MNAT1: variants seen among roughly 807,000 people sequenced by gnomAD.
MNAT1 encodes MNAT1 component of CDK activating kinase, also known as CDK-activating kinase assembly factor MAT1.
MNAT1 carries 43 observed loss-of-function variants against 42.0 expected under a neutral mutation model. The observed-to-expected ratio is 1.02, with a 90% confidence interval of 0.80 to 1.32. MNAT1 has a LOEUF of 1.32. MNAT1 is among the 40% of genes most tolerant of loss of function. The pLI, the probability that MNAT1 is intolerant of heterozygous loss-of-function variation, is 0.00. For missense variants in MNAT1, 306 were observed against 350.4 expected, an observed-to-expected ratio of 0.87 and a Z score of 1.01; for synonymous variants, 118 against 120.0, an observed-to-expected ratio of 0.98 and a Z score of 0.11.
chr14:60,873,670 T>C (rs919141180), intron 6 of MNAT1, among the ~76,000 whole-genome samples: 1 of 147,206 alleles, frequency 6.8e-6, no homozygotes, highest in African/African-American at 2.5e-5. Flanking sequence ...GATGGCTCAC[T>C]ATGTTGCCCA....
chr14:60,952,483 T>A (rs2139606591), intron 7 of MNAT1, among the ~76,000 whole-genome samples: 1 of 152,242 alleles, frequency 6.6e-6, no homozygotes, highest in Non-Finnish European at 1.5e-5. Context: ...TGAAATACGG[T>A]AACAATAGTG....
At chr14:60,913,616 T>C (rs2035439142) in intron 7 of MNAT1, among the ~76,000 whole-genome samples, 1 of 152,156 alleles carries the variant, frequency 6.6e-6, no homozygotes, top group African/African-American at 2.4e-5. Flanking sequence ...TGCCTGGGTA[T>C]CAGCAGGGGA....
chr14:60,763,980 T>A (rs1380780881), intron 1 of MNAT1, among the ~76,000 whole-genome samples: 2 of 152,200 alleles, frequency 1.3e-5, no homozygotes, highest in Admixed American at 6.5e-5. Context: ...TCCATGACAA[T>A]TGCTTACTGT....
chr14:60,829,588 T>A (rs1041565785), intron 6 of MNAT1, among the ~76,000 whole-genome samples: 5 of 152,176 alleles, frequency 3.3e-5, no homozygotes, highest in African/African-American at 1.2e-4. Context: ...TCATGATCTG[T>A]CTAGACATGA....
intron 7 of MNAT1, among the ~76,000 whole-genome samples, chr14:60,953,700 C>T (rs9672031): frequency 0.64 from 97,860 of 151,978 alleles, 31,860 homozygotes; most frequent in Non-Finnish European, 0.69. Flanking sequence ...GAGGAACTTC[C>T]GTACTGTTTT....
chr14:60,869,887 T>C (rs2034291931), intron 6 of MNAT1, among the ~76,000 whole-genome samples: 1 of 152,204 alleles, frequency 6.6e-6, no homozygotes. Flanking sequence ...TAACATAGTA[T>C]GTGTTTAGAG....
intron 7 of MNAT1, among the ~76,000 whole-genome samples, chr14:60,945,873 A>T (rs1021055766): frequency 6.6e-6 from 1 of 151,488 alleles, no homozygotes; most frequent in Non-Finnish European, 1.5e-5. Flanking sequence ...TAAATCTCCC[A>T]CTCCACTTTC....
At chr14:60,767,124 T>C (rs1008353430) in intron 1 of MNAT1, among the ~76,000 whole-genome samples, 10 of 152,220 alleles carry the variant, frequency 6.6e-5, no homozygotes, top group Non-Finnish European at 8.8e-5. Flanking sequence ...ATGGTTTCCA[T>C]ATGCTTCTTG....
At chr14:60,787,811 A>G (rs1174311530) in intron 1 of MNAT1, among the ~76,000 whole-genome samples, 1 of 152,160 alleles carries the variant, frequency 6.6e-6, no homozygotes, top group East Asian at 1.9e-4. Context: ...GCAGCAATTC[A>G]GTCACATCTT....
intron 1 of MNAT1, among the ~76,000 whole-genome samples, chr14:60,774,395 G>A (rs946322279): frequency 2.0e-5 from 3 of 152,188 alleles, no homozygotes; most frequent in Non-Finnish European, 2.9e-5. Context: ...TGAAGCTGAA[G>A]AGTTAGGTAG....
intron 7 of MNAT1, among the ~76,000 whole-genome samples, chr14:60,949,275 G>C (rs1028562847): frequency 5.9e-5 from 9 of 152,074 alleles, no homozygotes; most frequent in Admixed American, 5.2e-4. Context: ...TGTTCTTGGC[G>C]TAGGAAAACT....
In MNAT1 at chr14:60,818,614, T is replaced by G. The variant is rs1026510901; in HGVS notation, c.562-108T>G. ...AAGTGTCCTCCATAATGTGAATATT[T>G]AGTTTGACATGAAATGCTTATGGAA... On this transcript the variant is annotated intron_variant, in intron 5 of 7. Coordinates refer to ENST00000261245, the MANE Select transcript of MNAT1 (RefSeq NM_002431.4). 7 of 927,254 alleles carry G rather than the reference T, an allele frequency of 7.5e-6. No individual in the cohort carries two copies. The African/African-American group carries it at 1.2e-4, about 15-fold the overall frequency. The allele number at this position is 927,254 out of a possible 1,614,324, so 57.4% of individuals were successfully genotyped here. A position where few individuals can be genotyped will look rare whatever the true frequency, so the allele number is the denominator to read the frequency against.
intron 1 of MNAT1, among the ~76,000 whole-genome samples, chr14:60,790,840 G>A (rs1209719853): frequency 3.9e-5 from 6 of 152,066 alleles, no homozygotes; most frequent in African/African-American, 9.7e-5. Context: ...ACATCATATC[G>A]CAAAAGCCCT....
chr14:60,947,494 C>A (rs1472198063), intron 7 of MNAT1, among the ~76,000 whole-genome samples: 2 of 152,004 alleles, frequency 1.3e-5, no homozygotes, highest in Non-Finnish European at 2.9e-5. Flanking sequence ...ACAAGCCTGG[C>A]CAACATGGTG....
At position 60,940,481 on chromosome 14, in the gene MNAT1, G is replaced by A. The variant is rs111406499; in HGVS notation, c.810-27748G>A. ...TGCCCAGGCTAGAGTGCAGTGGCAC[G>A]ATCTTGGCTCACTGCAAGCTCTGCC... is the stretch of plus-strand genomic sequence containing the variant. On this transcript the variant is annotated intron_variant, in intron 7 of 7. Transcript: ENST00000261245. Among the ~76,000 whole-genome samples, 491 of 152,300 alleles carry A rather than the reference G, an allele frequency of 3.2e-3. 1 individual carries two copies. Among genetic ancestry groups the A allele is most frequent in the African/African-American group, 0.011 (448 of 41,560 alleles).
At chr14:60,861,288 A>G (rs974010920) in intron 6 of MNAT1, among the ~76,000 whole-genome samples, 1 of 152,182 alleles carries the variant, frequency 6.6e-6, no homozygotes, top group Non-Finnish European at 1.5e-5. Context: ...GTTCAAACTC[A>G]TGAACATTTA....
intron 6 of MNAT1, among the ~76,000 whole-genome samples, chr14:60,850,600 A>G (rs2033800210): frequency 6.6e-6 from 1 of 152,308 alleles, no homozygotes; most frequent in Admixed American, 6.5e-5. Context: ...ACTTGGGCAA[A>G]TAACCTTATT....
chr14:60,892,074 C>G (rs892076365), intron 7 of MNAT1, among the ~76,000 whole-genome samples: 5 of 152,046 alleles, frequency 3.3e-5, no homozygotes, highest in African/African-American at 1.2e-4. Flanking sequence ...AAAATATGGC[C>G]TGTCCTGGAA....
chr14:60,949,671 A>G (rs1347194879), intron 7 of MNAT1, among the ~76,000 whole-genome samples: 3 of 152,202 alleles, frequency 2.0e-5, no homozygotes, highest in African/African-American at 4.8e-5. Context: ...TTTTTGGTCC[A>G]AATGATATTT....
Sources: allele counts gnomAD v4.1 joint callset (sites outside exome capture counted in the v4.1 genomes callset), GRCh38; gene constraint gnomAD v4.1.1; transcripts MANE v1.5; gene names NCBI Gene and HGNC (gene_info 2026-07-23, HGNC 2026-07-21).